Variants in RNF214 observed in about 807,000 individuals in gnomAD.
The protein encoded by RNF214 is ring finger protein 214.
RNF214 carries 25 observed loss-of-function variants against 75.9 expected under a neutral mutation model. The observed-to-expected ratio is 0.33, with a 90% confidence interval of 0.24 to 0.46. The LOEUF is 0.46. RNF214 is among the 20% of genes least tolerant of loss of function. The pLI is 1.00. For synonymous variants in RNF214, 314 were observed against 308.8 expected (o/e 1.02, Z -0.18); for missense variants, 725 against 857.5 (o/e 0.85, Z 1.93).
At position 117,234,319 on chromosome 11, in the gene RNF214, C is replaced by G. The variant is rs1289020102; in HGVS notation, c.47C>G (p.Pro16Arg). The change falls in exon 2 of 15, where the codon CCT becomes CGT. Residue 16 changes from proline to arginine, a missense_variant. Pro to Arg is a moderately radical substitution (Grantham distance 103). This residue lies in a region of RNF214 where 362 missense variants were observed against 344.5 expected (regional missense o/e 1.05). Transcript: ENST00000300650. Reference protein sequence around the residue: ...VAGVVANAPSPPESSSLCASK... With the variant: ...VAGVVANAPSRPESSSLCASK... ...GGTGTTGTGGCCAATGCCCCCAGTC[C>G]TCCGGAATCTTCTAGTTTATGTGCT... 6.2e-7 allele frequency: 1 copy of G among 1,614,172 alleles called. No individual in the cohort carries two copies.
chr11:117,279,790 GAGTAAGACTTC>G (rs762803858), intron 6 of RNF214, 107 bp from the exon 7 acceptor site: 495 of 630,184 alleles, frequency 7.9e-4, no homozygotes, highest in Non-Finnish European at 1.2e-3. Flanking sequence ...TTAATACTTA[GAGTAAGACTTC>G]CTGTAACATA....
At chr11:117,265,293 C>G (rs1241440731) in intron 6 of RNF214, among the ~76,000 whole-genome samples, 2 of 152,008 alleles carry the variant, frequency 1.3e-5, no homozygotes, top group Non-Finnish European at 2.9e-5. Flanking sequence ...CAATGGACAT[C>G]ATAAAAAAAG....
intron 6 of RNF214, among the ~76,000 whole-genome samples, chr11:117,255,300 C>T (rs1253621336): frequency 6.6e-6 from 1 of 152,126 alleles, no homozygotes; most frequent in Non-Finnish European, 1.5e-5. Flanking sequence ...TATAATTCTA[C>T]CTGTGTGTGC....
intron 6 of RNF214, among the ~76,000 whole-genome samples, chr11:117,252,215 T>C (rs755223097): frequency 1.3e-5 from 2 of 152,144 alleles, no homozygotes; most frequent in Admixed American, 6.6e-5. Flanking sequence ...GGAAAATGGA[T>C]TGGATTAGTG....
intron 6 of RNF214, among the ~76,000 whole-genome samples, chr11:117,252,456 A>G (rs867327823): frequency 6.6e-5 from 10 of 152,188 alleles, no homozygotes; most frequent in African/African-American, 1.9e-4. Context: ...TATCTGTCTT[A>G]TACGTTTTAA....
intron 5 of RNF214, among the ~76,000 whole-genome samples, chr11:117,245,576 T>G (rs2033198788): frequency 2.0e-5 from 3 of 151,968 alleles, no homozygotes. Context: ...TCTCCTGACC[T>G]CATGATCCAC....
In RNF214 at chr11:117,238,544, C is replaced by T. The variant is rs557947330; in HGVS notation, c.108-57C>T. 14 of 1,456,314 alleles carry T rather than the reference C, an allele frequency of 9.6e-6. No homozygotes were observed. The East Asian group carries it at 2.0e-4, about 21-fold the overall frequency. 90.2% of individuals were successfully genotyped at this position (1,456,314 alleles called of 1,614,324 possible). On this transcript the variant is annotated intron_variant, in intron 2 of 14. Coordinates refer to ENST00000300650, the MANE Select transcript of RNF214 (RefSeq NM_207343.4). Reference sequence around the variant, plus strand: ...GTTTACGTAGTCTAGTTTTGTTCTTCTAGTAGTTAGGTTGAAAGTATTATA... The same window carrying T: ...GTTTACGTAGTCTAGTTTTGTTCTTTTAGTAGTTAGGTTGAAAGTATTATA...
chr11:117,236,198 T>C (rs140555396), intron 2 of RNF214, among the ~76,000 whole-genome samples: 3,219 of 152,164 alleles, frequency 0.021, 130 homozygotes, highest in African/African-American at 0.073. Context: ...TGACCTCAAG[T>C]GATCTGTCCG....
At chr11:117,280,507 A>G (rs181728822) in intron 8 of RNF214, among the ~76,000 whole-genome samples, 2 of 152,226 alleles carry the variant, frequency 1.3e-5, no homozygotes, top group East Asian at 1.9e-4. Context: ...TTCCATTTGG[A>G]TAAACACTAT....
intron 6 of RNF214, among the ~76,000 whole-genome samples, chr11:117,278,894 C>T (rs2034069680): frequency 2.0e-5 from 3 of 152,124 alleles, no homozygotes; most frequent in African/African-American, 4.8e-5. Flanking sequence ...AGTTTGAGAA[C>T]AGCCTGTAGA....
intron 6 of RNF214, among the ~76,000 whole-genome samples, chr11:117,250,395 T>C (rs149203275): frequency 6.6e-6 from 1 of 152,188 alleles, no homozygotes; most frequent in Non-Finnish European, 1.5e-5. Flanking sequence ...AAACCCATGT[T>C]GTTGAAAAAA....
rs150545162 is a variant in RNF214, at chr11:117,282,545, A to G, written c.1845+9A>G. ...TGGCAGCAAGTACTCAGGTGAGAAA[A>G]GCCACTTGGGAGAGAACTTAGGCAT... On this transcript the variant is annotated intron_variant, in intron 12 of 14. Transcript: ENST00000300650. The G allele has an allele frequency of 6.2e-7, 1 of 1,613,460 alleles. No individual in the cohort carries two copies. The highest frequency in any genetic ancestry group is 1.3e-5 in the African/African-American group (1 of 75,024).
chr11:117,282,916 C>A, intron 13 of RNF214, 66 bp downstream of exon 13: 1 of 1,281,072 alleles, frequency 7.8e-7, no homozygotes, highest in Non-Finnish European at 1.1e-6. Flanking sequence ...AGTGGGTTTA[C>A]AGGTGGAGTG....
intron 6 of RNF214, among the ~76,000 whole-genome samples, chr11:117,258,444 AT>A (rs2033578520): frequency 6.6e-6 from 1 of 151,646 alleles, no homozygotes; most frequent in East Asian, 1.9e-4. Context: ...CTGAGGTCTT[AT>A]TTTTTCATTG....
In RNF214 at chr11:117,281,686, A is replaced by G. The variant is rs144443870; in HGVS notation, c.1323A>G (p.Pro441=). The G allele has an allele frequency of 1.9e-3, 3,072 of 1,610,250 alleles. 52 individuals are homozygous for G. In the African/African-American group the frequency reaches 0.034, roughly 18 times the overall value. ...LPQIPTPTLP[P]PPSETDFMLQ... ...AAATCCCTACTCCCACTTTACCTCC[A>G]CCCCCATCAGAGGTAAGAGAGTGGC... is the stretch of plus-strand genomic sequence containing the variant. Residue 441 remains proline (P), a synonymous_variant, in exon 10 of 15, where the codon CCA becomes CCG. Coordinates refer to ENST00000300650, the MANE Select transcript of RNF214 (RefSeq NM_207343.4).
intron 6 of RNF214, among the ~76,000 whole-genome samples, chr11:117,252,727 A>G (rs918669360): frequency 8.6e-5 from 13 of 151,682 alleles, no homozygotes; most frequent in South Asian, 4.2e-4. Context: ...TCACTGTGTT[A>G]GCCAGGATGG....
At chr11:117,252,613 C>T (rs1253421854) in intron 6 of RNF214, among the ~76,000 whole-genome samples, 4 of 151,988 alleles carry the variant, frequency 2.6e-5, no homozygotes, top group South Asian at 2.1e-4. Context: ...CTCCACCTCC[C>T]GGATTCAAGC....
chr11:117,266,700 T>C lies in RNF214; in HGVS notation c.960-13208T>C, dbSNP rs572633615. ...TCTGACATAATTTTCAAATATTTTT[T>C]TCTGCCCTATTCCCCTTTTTCCTCC... On this transcript the variant is annotated intron_variant, in intron 6 of 14. Coordinates refer to ENST00000300650, the MANE Select transcript of RNF214 (RefSeq NM_207343.4). Among the ~76,000 whole-genome samples, 9 of 152,164 alleles carry C rather than the reference T, an allele frequency of 5.9e-5. No individual in the cohort carries two copies. In the East Asian group the frequency reaches 1.7e-3, roughly 29 times the overall value.
intron 4 of RNF214, among the ~76,000 whole-genome samples, chr11:117,242,125 T>A (rs186180014): frequency 2.0e-3 from 304 of 152,312 alleles, no homozygotes; most frequent in Admixed American, 4.3e-3. Context: ...AATGCTCCCT[T>A]TGATCCATCC....
Sources: allele counts gnomAD v4.1 joint callset (sites outside exome capture counted in the v4.1 genomes callset), GRCh38; gene constraint gnomAD v4.1.1; regional missense constraint gnomAD v4.1.1; transcripts MANE v1.5; gene names NCBI Gene and HGNC (gene_info 2026-07-23, HGNC 2026-07-21).